The following VPS13B variants were observed in gnomAD, a reference collection of about 807,000 sequenced individuals.
VPS13B encodes intermembrane lipid transfer protein VPS13B.
In VPS13B, 285 loss-of-function variants were observed where a neutral mutation model predicts 426.4. The observed-to-expected ratio is 0.67, with a 90% CI of 0.61 to 0.74. The LOEUF is 0.74. Ranked by LOEUF, VPS13B falls within the 30% of genes least tolerant of loss-of-function variation. The pLI, the probability that VPS13B is intolerant of heterozygous loss-of-function variation, is 0.00. For synonymous variants in VPS13B, 1,676 were observed against 1,676.4 expected, an observed-to-expected ratio of 1.00 and a Z score of 0.01; for missense variants, 4,537 against 4,782.6, an observed-to-expected ratio of 0.95 and a Z score of 1.51.
chr8:99,269,558 C>T (rs1818468422), intron 17 of VPS13B, among the ~76,000 whole-genome samples: 1 of 152,152 alleles, frequency 6.6e-6, no homozygotes, highest in African/African-American at 2.4e-5. Context: ...ATTTTGGCCT[C>T]CTTAAGTAAC....
chr8:99,022,305 T>G (rs2132155961), intron 2 of VPS13B, among the ~76,000 whole-genome samples: 1 of 152,096 alleles, frequency 6.6e-6, no homozygotes, highest in Admixed American at 6.5e-5. Context: ...ATGTGGGATT[T>G]CATGTTGTCT....
At chr8:99,186,349 T>A (rs1289158822) in intron 16 of VPS13B, among the ~76,000 whole-genome samples, 1 of 152,088 alleles carries the variant, frequency 6.6e-6, no homozygotes, top group Non-Finnish European at 1.5e-5. Context: ...TTATTGTGCA[T>A]TTTTATTGAC....
chr8:99,671,104 A>G (rs1428233287), intron 35 of VPS13B, among the ~76,000 whole-genome samples: 1 of 152,110 alleles, frequency 6.6e-6, no homozygotes, highest in African/African-American at 2.4e-5. Context: ...TCCCACCAAC[A>G]ATGTGCAAGG....
chr8:99,668,260 G>T (rs1393393056), intron 35 of VPS13B, among the ~76,000 whole-genome samples: 4 of 151,808 alleles, frequency 2.6e-5, no homozygotes, highest in Admixed American at 6.6e-5. Flanking sequence ...GAGAGCCGAG[G>T]TGGGAGGATT....
chr8:99,750,547 A>G (rs1233881888), intron 39 of VPS13B, among the ~76,000 whole-genome samples: 2 of 152,284 alleles, frequency 1.3e-5, no homozygotes, highest in African/African-American at 2.4e-5. Flanking sequence ...TGTAAAGCCC[A>G]TAGTCTGGGC....
At chr8:99,312,189 G>T (rs1821024559) in intron 19 of VPS13B, among the ~76,000 whole-genome samples, 1 of 152,148 alleles carries the variant, frequency 6.6e-6, no homozygotes, top group Non-Finnish European at 1.5e-5. Flanking sequence ...ATATTGTTAT[G>T]TGTGAATTTG....
chr8:99,268,687 C>T (rs970440874), intron 17 of VPS13B, among the ~76,000 whole-genome samples: 6 of 152,086 alleles, frequency 3.9e-5, no homozygotes, highest in African/African-American at 1.4e-4. Flanking sequence ...CTTGCTTTGT[C>T]TCAGATGAGA....
chr8:99,078,669 G>A (rs1001198574), intron 3 of VPS13B, among the ~76,000 whole-genome samples: 4 of 152,168 alleles, frequency 2.6e-5, no homozygotes, highest in Non-Finnish European at 5.9e-5. Flanking sequence ...GGTGCCAGAG[G>A]TAGAAGTGGT....
intron 3 of VPS13B, among the ~76,000 whole-genome samples, chr8:99,072,064 C>T (rs895726286): frequency 2.6e-5 from 4 of 151,938 alleles, no homozygotes; most frequent in Non-Finnish European, 4.4e-5. Flanking sequence ...TGGTGCTCTG[C>T]GATTTTGTGG....
Position 99,642,002 on chromosome 8 carries a change from A to T in VPS13B, c.5412A>T (p.Val1804=). The T allele has an allele frequency of 6.2e-7, 1 of 1,614,140 alleles. No individual in the cohort carries two copies. The highest frequency in any genetic ancestry group is 8.5e-7 in the Non-Finnish European group (1 of 1,180,016). ...IARPSRQSSI[V]KNLNFIPFDI... is the part of the protein sequence containing the mutation. ...GTCCCTCACGCCAGTCATCAATTGTAAAAAATCTAAATTTTATTCCCTTTG... is the reference window on the plus strand; with the variant it reads ...GTCCCTCACGCCAGTCATCAATTGTTAAAAATCTAAATTTTATTCCCTTTG... Residue 1804 remains valine (V), a synonymous_variant, in exon 34 of 62, where the codon GTA becomes GTT. Transcript: ENST00000357162.
At chr8:99,061,138 A>T (rs557991665) in intron 3 of VPS13B, among the ~76,000 whole-genome samples, 1 of 152,132 alleles carries the variant, frequency 6.6e-6, no homozygotes, top group South Asian at 2.1e-4. Context: ...TCAATGTGTT[A>T]TCTGGCATTA....
chr8:99,236,811 G>A (rs767821092), intron 17 of VPS13B, among the ~76,000 whole-genome samples: 4 of 152,170 alleles, frequency 2.6e-5, no homozygotes, highest in Non-Finnish European at 4.4e-5. Flanking sequence ...TGTGTATAGT[G>A]TTCTAAGATT....
At chr8:99,284,951 T>A (rs1242138000) in intron 19 of VPS13B, among the ~76,000 whole-genome samples, 1 of 152,230 alleles carries the variant, frequency 6.6e-6, no homozygotes, top group African/African-American at 2.4e-5. Flanking sequence ...TCAAGTACAT[T>A]GTAAACTTTA....
chr8:99,485,284 CAA>C (rs903228337), intron 25 of VPS13B, among the ~76,000 whole-genome samples: 1 of 152,062 alleles, frequency 6.6e-6, no homozygotes, highest in African/African-American at 2.4e-5. Context: ...TTTGTTATAA[CAA>C]GAGAGGAAGG....
chr8:99,541,742 CTTT>C (rs146476056), intron 30 of VPS13B, among the ~76,000 whole-genome samples: 3,126 of 152,096 alleles, frequency 0.021, 112 homozygotes, highest in African/African-American at 0.071. Flanking sequence ...AAAAATGTAT[CTTT>C]TTATTAAGAA....
intron 55 of VPS13B, among the ~76,000 whole-genome samples, chr8:99,849,221 A>G (rs538398670): frequency 4.6e-5 from 7 of 152,348 alleles, no homozygotes; most frequent in African/African-American, 1.7e-4. Context: ...AGTAATTAAT[A>G]ATAAAACTTA....
chr8:99,355,250 CT>C (rs374534576), intron 19 of VPS13B, among the ~76,000 whole-genome samples: 31 of 152,266 alleles, frequency 2.0e-4, no homozygotes, highest in African/African-American at 7.5e-4. Flanking sequence ...TTAAAGCCCC[CT>C]CTTTTCATAT....
At chr8:99,416,437 G>C (rs547572386) in intron 21 of VPS13B, among the ~76,000 whole-genome samples, 18 of 151,974 alleles carry the variant, frequency 1.2e-4, no homozygotes, top group Admixed American at 1.2e-3. Context: ...GGTCTGTCTC[G>C]CTGGCATTCC....
At chr8:99,145,282 T>C (rs1284898727) in intron 13 of VPS13B, among the ~76,000 whole-genome samples, 3 of 152,200 alleles carry the variant, frequency 2.0e-5, no homozygotes, top group African/African-American at 7.2e-5. Flanking sequence ...TTTTAAAAAA[T>C]TTAGATTTTC....
Sources: gnomAD v4.1 joint callset for allele counts (sites outside exome capture counted in the v4.1 genomes callset) on GRCh38, gnomAD v4.1.1 for gene constraint, MANE v1.5 for transcripts, NCBI Gene and HGNC (gene_info 2026-07-23, HGNC 2026-07-21) for gene names.